RANBP9: variants seen among roughly 807,000 people sequenced by gnomAD.
RANBP9 encodes ran-binding protein 9.
A neutral mutation model predicts 84.3 loss-of-function variants in RANBP9; 15 were observed. That is an observed-to-expected ratio of 0.18 (90% confidence interval 0.12 to 0.27). The LOEUF (loss-of-function observed/expected upper bound fraction) is 0.27. Ranked by LOEUF, RANBP9 falls within the 10% of genes least tolerant of loss-of-function variation. The probability of loss-of-function intolerance (pLI) is 1.00; values close to 1 mark genes in which losing one functional copy is unlikely to be tolerated. For missense variants in RANBP9, 809 were observed against 912.8 expected, an observed-to-expected ratio of 0.89 and a Z score of 1.46; for synonymous variants, 392 against 349.6, an observed-to-expected ratio of 1.12 and a Z score of -1.35.
intron 5 of RANBP9, among the ~76,000 whole-genome samples, chr6:13,645,204 G>A (rs1765153332): frequency 6.6e-6 from 1 of 151,992 alleles, no homozygotes; most frequent in African/African-American, 2.4e-5. Context: ...TAAATTTACT[G>A]TTTTCATTCT....
intron 12 of RANBP9, among the ~76,000 whole-genome samples, chr6:13,627,983 ATACT>A (rs1445534027): frequency 6.6e-6 from 1 of 152,230 alleles, no homozygotes; most frequent in African/African-American, 2.4e-5. Context: ...GGAAAAAAAA[ATACT>A]ACTACACTGC....
intron 1 of RANBP9, 42 bp from the exon 2 acceptor site, chr6:13,696,938 T>C: frequency 6.7e-7 from 1 of 1,483,228 alleles, no homozygotes; most frequent in Non-Finnish European, 9.3e-7. Context: ...ACATGAGATA[T>C]TCACTGAAAG....
rs1765342745 is a variant in RANBP9, at chr6:13,653,734, A to T, written c.905-1053T>A. On this transcript the variant is annotated intron_variant, in intron 4 of 13. Transcript: ENST00000011619. ...CTGAAAATAAATTTTATACTTTTAA[A>T]ATAATGTGTAAAATTAATGCTTTTG... Among the ~76,000 whole-genome samples the T allele has an allele frequency of 2.0e-5, 3 of 152,184 alleles. No individual in the cohort carries two copies. In the South Asian group the frequency reaches 6.2e-4, roughly 31 times the overall value.
intron 12 of RANBP9, among the ~76,000 whole-genome samples, chr6:13,629,920 T>TG (rs1562296302): frequency 7.8e-4 from 64 of 82,234 alleles, no homozygotes; most frequent in African/African-American, 2.5e-3. Context: ...TCTCTCTCTC[T>TG]CGTGTGTGTG....
At chr6:13,697,230 T>C (rs1757856308) in intron 1 of RANBP9, among the ~76,000 whole-genome samples, 1 of 152,192 alleles carries the variant, frequency 6.6e-6, no homozygotes, top group Non-Finnish European at 1.5e-5. Flanking sequence ...ATGAAGAACA[T>C]GAGAGAAAGA....
chr6:13,708,722 T>C (rs1217223658), intron 1 of RANBP9, among the ~76,000 whole-genome samples: 1 of 152,042 alleles, frequency 6.6e-6, no homozygotes, highest in Non-Finnish European at 1.5e-5. Context: ...ATACTTCTCC[T>C]TTGCTACTGC....
chr6:13,664,426 T>C (rs186765125), intron 2 of RANBP9, among the ~76,000 whole-genome samples: 1 of 151,448 alleles, frequency 6.6e-6, no homozygotes, highest in Admixed American at 6.6e-5. Context: ...GATCACAGAG[T>C]CAACACAATC....
rs1765207259 is a variant in RANBP9, at chr6:13,647,826, C to CTTA, written c.928-3098_928-3097insTAA. Among the ~76,000 whole-genome samples the CTTA allele has an allele frequency of 2.0e-5, 3 of 152,130 alleles. No individual in the cohort carries two copies. In the South Asian group the frequency reaches 6.2e-4, roughly 32 times the overall value. On this transcript the variant is annotated intron_variant, in intron 5 of 13. Transcript: ENST00000011619. The stretch of plus-strand genomic sequence containing the variant: ...CTGAAAAGTAAGTATAATTGTTATA[C>CTTA]CATTTACTCAACCTTAAAACTGGAG...
At chr6:13,690,574 A>G (rs1192886710) in intron 2 of RANBP9, among the ~76,000 whole-genome samples, 2 of 152,228 alleles carry the variant, frequency 1.3e-5, no homozygotes, top group Non-Finnish European at 2.9e-5. Flanking sequence ...ATTACTTGCC[A>G]GTTCTTACTG....
At chr6:13,710,853 G>A (rs542744156) in intron 1 of RANBP9, 82 bp downstream of exon 1, 4 of 1,428,526 alleles carry the variant, frequency 2.8e-6, no homozygotes, top group African/African-American at 1.5e-5. Context: ...GCGGGGGTCG[G>A]GGGCGGGTCG....
intron 2 of RANBP9, among the ~76,000 whole-genome samples, chr6:13,691,099 C>CA (rs1766312987): frequency 1.4e-5 from 2 of 146,650 alleles, no homozygotes; most frequent in African/African-American, 5.1e-5. Flanking sequence ...ACCCAGGAGA[C>CA]AGAGGTTGCA....
chr6:13,680,380 G>A (rs1374171937), intron 2 of RANBP9, among the ~76,000 whole-genome samples: 3 of 151,886 alleles, frequency 2.0e-5, no homozygotes, highest in Non-Finnish European at 4.4e-5. Context: ...CAGGTAACAG[G>A]CAAATGACCA....
chr6:13,649,579 C>CACCTACA (rs1765249143), intron 5 of RANBP9, among the ~76,000 whole-genome samples: 1 of 152,092 alleles, frequency 6.6e-6, no homozygotes, highest in Non-Finnish European at 1.5e-5. Flanking sequence ...CCAGAATCTG[C>CACCTACA]ACCTACACAC....
chr6:13,678,891 T>G (rs1765961359), intron 2 of RANBP9, among the ~76,000 whole-genome samples: 1 of 152,298 alleles, frequency 6.6e-6, no homozygotes. Context: ...TAGCCACTAT[T>G]AATATACAAA....
At chr6:13,681,829 A>G (rs1220554284) in intron 2 of RANBP9, among the ~76,000 whole-genome samples, 1 of 152,166 alleles carries the variant, frequency 6.6e-6, no homozygotes, top group Admixed American at 6.5e-5. Context: ...GGGGAAGAAA[A>G]AAAGGATGAC....
chr6:13,641,586 A>C lies in RANBP9; in HGVS notation c.1226-279T>G, dbSNP rs1765065175. ...CCTATTATGCAATATTGAAGTTTCA[A>C]ACACTGAGATTAAAAAGACTGTTTT... On this transcript the variant is annotated intron_variant, in intron 7 of 13. Coordinates refer to ENST00000011619, the MANE Select transcript of RANBP9 (RefSeq NM_005493.3). Among the ~76,000 whole-genome samples, 6 of 152,252 alleles carry C rather than the reference A, an allele frequency of 3.9e-5. No homozygotes were observed. In the South Asian group the frequency reaches 1.2e-3, roughly 32 times the overall value.
chr6:13,635,653 G>A (rs1372871692), intron 10 of RANBP9, among the ~76,000 whole-genome samples: 1 of 151,460 alleles, frequency 6.6e-6, no homozygotes, highest in East Asian at 1.9e-4. Context: ...AGGGAAAAGG[G>A]GGATATGGCC....
At chr6:13,627,224 C>T (rs1308841942) in intron 12 of RANBP9, among the ~76,000 whole-genome samples, 2 of 152,150 alleles carry the variant, frequency 1.3e-5, no homozygotes, top group East Asian at 1.9e-4. Context: ...TTTTATGCAT[C>T]CCACAAAGCT....
chr6:13,677,883 T>C (rs1297629955), intron 2 of RANBP9, among the ~76,000 whole-genome samples: 1 of 152,144 alleles, frequency 6.6e-6, no homozygotes, highest in African/African-American at 2.4e-5. Flanking sequence ...TTTAGGAGGC[T>C]GAGGTGGGTG....
Sources: allele counts gnomAD v4.1 joint callset (sites outside exome capture counted in the v4.1 genomes callset), GRCh38; gene constraint gnomAD v4.1.1; transcripts MANE v1.5; gene names NCBI Gene and HGNC (gene_info 2026-07-23, HGNC 2026-07-21).